The following SLCO1C1 variants were observed in gnomAD, a reference collection of about 807,000 sequenced individuals.
SLCO1C1 encodes the protein solute carrier organic anion transporter family member 1C1.
A neutral mutation model predicts 76.4 loss-of-function variants in SLCO1C1; 70 were observed. The observed-to-expected ratio is 0.92, with a 90% CI of 0.76 to 1.12. The LOEUF (loss-of-function observed/expected upper bound fraction) is 1.12, where lower values mean the gene tolerates loss of function less well. SLCO1C1 is among the 50% of genes most tolerant of loss of function. The pLI, the probability that SLCO1C1 is intolerant of heterozygous loss-of-function variation, is 0.00. For synonymous variants in SLCO1C1, 306 were observed against 286.1 expected (o/e 1.07, Z -0.70); for missense variants, 912 against 823.8 (o/e 1.11, Z -1.31).
intron 13 of SLCO1C1, among the ~76,000 whole-genome samples, chr12:20,748,105 TC>T (rs1828954847): frequency 6.6e-6 from 1 of 152,202 alleles, no homozygotes; most frequent in Admixed American, 6.5e-5. Flanking sequence ...CTGCTTAAAT[TC>T]TTTAAATTAT....
intron 9 of SLCO1C1, among the ~76,000 whole-genome samples, chr12:20,725,824 T>C (rs1947954710): frequency 6.6e-6 from 1 of 152,014 alleles, no homozygotes; most frequent in Admixed American, 6.6e-5. Context: ...TCAATTCTTT[T>C]CACTGTAACC....
chr12:20,715,562 G>T (rs1041237654), intron 6 of SLCO1C1, among the ~76,000 whole-genome samples: 1 of 152,146 alleles, frequency 6.6e-6, no homozygotes, highest in Admixed American at 6.5e-5. Flanking sequence ...GTATCTTCAT[G>T]GGCTTCAGAT....
At chr12:20,736,410 G>C (rs1408410593) in intron 10 of SLCO1C1, among the ~76,000 whole-genome samples, 1 of 151,956 alleles carries the variant, frequency 6.6e-6, no homozygotes, top group Non-Finnish European at 1.5e-5. Context: ...CACTTAGTAG[G>C]CTTCCAGTAA....
chr12:20,736,576 C>T (rs1001695969), intron 10 of SLCO1C1, among the ~76,000 whole-genome samples: 3 of 152,094 alleles, frequency 2.0e-5, no homozygotes, highest in Non-Finnish European at 2.9e-5. Flanking sequence ...TACACACATG[C>T]AAGAGGACAT....
intron 4 of SLCO1C1, among the ~76,000 whole-genome samples, chr12:20,707,680 T>C (rs1032956144): frequency 6.6e-6 from 1 of 152,246 alleles, no homozygotes; most frequent in South Asian, 2.1e-4. Context: ...TCATCATTGT[T>C]GTGTGTTATC....
chr12:20,743,924 G>A (rs1948929751), intron 13 of SLCO1C1, among the ~76,000 whole-genome samples: 1 of 151,622 alleles, frequency 6.6e-6, no homozygotes, highest in African/African-American at 2.4e-5. Flanking sequence ...AAAACCTATA[G>A]AAAACAGTGA....
chr12:20,736,014 T>A (rs918463865), intron 10 of SLCO1C1, among the ~76,000 whole-genome samples: 1 of 151,960 alleles, frequency 6.6e-6, no homozygotes, highest in Non-Finnish European at 1.5e-5. Context: ...ATATGAGGAA[T>A]AAGCAAATAA....
At chr12:20,706,294 TCAA>T (rs1168189976) in intron 4 of SLCO1C1, among the ~76,000 whole-genome samples, 3 of 152,154 alleles carry the variant, frequency 2.0e-5, no homozygotes, top group African/African-American at 7.2e-5. Flanking sequence ...TATATTGATA[TCAA>T]CAAGATTAAA....
chr12:20,726,066 C>T (rs1352136690), intron 9 of SLCO1C1, among the ~76,000 whole-genome samples: 1 of 151,954 alleles, frequency 6.6e-6, no homozygotes, highest in Non-Finnish European at 1.5e-5. Context: ...GTAAGTGGGC[C>T]AATTATTCAA....
chr12:20,708,007 A>C (rs1054118199), intron 4 of SLCO1C1, among the ~76,000 whole-genome samples: 3 of 152,158 alleles, frequency 2.0e-5, no homozygotes, highest in African/African-American at 7.2e-5. Flanking sequence ...TTCTGCGAGA[A>C]AACAAAATAG....
intron 9 of SLCO1C1, among the ~76,000 whole-genome samples, chr12:20,730,614 C>G (rs951227323): frequency 6.6e-6 from 1 of 152,164 alleles, no homozygotes; most frequent in Admixed American, 6.5e-5. Flanking sequence ...CCATACCCAG[C>G]AACCTCAGTT....
Position 20,695,376 on chromosome 12 carries a change from C to T in SLCO1C1, c.-457C>T, listed in dbSNP as rs1946225001. 6.6e-6 allele frequency: 1 copy of T among 152,148 alleles called. No homozygotes were observed. Among genetic ancestry groups the T allele is most frequent in the South Asian group, 2.1e-4 (1 of 4,832 alleles). 9.4% of individuals were successfully genotyped at this position (152,148 alleles called of 1,614,324 possible). On this transcript the variant is annotated 5_prime_UTR_variant, in exon 1 of 15. Transcript: ENST00000266509. Reference sequence around the variant, plus strand: ...CGGAGTTGTGTTTTCTGGGAATCAGCAAGTAAGATCACAAGTGGTCTTTTC... The same window carrying T: ...CGGAGTTGTGTTTTCTGGGAATCAGTAAGTAAGATCACAAGTGGTCTTTTC...
At chr12:20,732,805 T>C (rs2120827134) in intron 9 of SLCO1C1, 104 bp from the exon 10 acceptor site, 2 of 1,192,814 alleles carry the variant, frequency 1.7e-6, no homozygotes, top group East Asian at 2.5e-5. Context: ...ATAGTGACTA[T>C]TTCTATAATT....
At position 20,705,953 on chromosome 12, in the gene SLCO1C1, T is replaced by C; in HGVS notation, c.276T>C (p.Asn92=). 1.2e-6 allele frequency: 2 copies of C among 1,612,526 alleles called. No homozygotes were observed. The highest frequency in any genetic ancestry group is 1.7e-6 in the Non-Finnish European group (2 of 1,179,104). The change falls in exon 4 of 15, where the codon AAT becomes AAC. Residue 92 remains asparagine, a synonymous_variant. Transcript: ENST00000266509. ...GVIDGSFEIG[N]LLVITFVSYF... ...GTTTTATTCTTTTCCTCAAAGGGAA[T>C]CTCTTAGTTATAACATTTGTTAGCT...
intron 5 of SLCO1C1, among the ~76,000 whole-genome samples, chr12:20,712,017 G>A (rs941782795): frequency 6.6e-6 from 1 of 152,120 alleles, no homozygotes; most frequent in African/African-American, 2.4e-5. Context: ...AGCTCTTGGT[G>A]TTATCAGTTC....
chr12:20,725,544 C>T (rs982144724), intron 9 of SLCO1C1, among the ~76,000 whole-genome samples: 3 of 147,584 alleles, frequency 2.0e-5, no homozygotes, highest in Non-Finnish European at 3.0e-5. Flanking sequence ...TGGTGGGCCA[C>T]TATGCTCATT....
intron 12 of SLCO1C1, among the ~76,000 whole-genome samples, chr12:20,742,638 A>AT (rs1219023755): frequency 6.6e-6 from 1 of 151,516 alleles, no homozygotes; most frequent in Non-Finnish European, 1.5e-5. Context: ...GGTTCACGCC[A>AT]TTCCCCTGCC....
At chr12:20,706,661 C>T (rs1946793913) in intron 4 of SLCO1C1, among the ~76,000 whole-genome samples, 1 of 152,104 alleles carries the variant, frequency 6.6e-6, no homozygotes, top group Non-Finnish European at 1.5e-5. Context: ...CTTATAGCAA[C>T]CTGTGGGGTA....
chr12:20,748,834 T>C (rs1006767776), intron 13 of SLCO1C1, among the ~76,000 whole-genome samples: 1 of 152,202 alleles, frequency 6.6e-6, no homozygotes, highest in Non-Finnish European at 1.5e-5. Context: ...GCATGATGCT[T>C]AGTAAATCAT....
Sources: gnomAD v4.1 joint callset for allele counts (sites outside exome capture counted in the v4.1 genomes callset) on GRCh38, gnomAD v4.1.1 for gene constraint, MANE v1.5 for transcripts, NCBI Gene and HGNC (gene_info 2026-07-23, HGNC 2026-07-21) for gene names.